Variants in PXDNL observed in about 807,000 individuals in gnomAD.
PXDNL encodes the protein peroxidasin like, also known as probable oxidoreductase PXDNL.
A neutral mutation model predicts 150.8 loss-of-function variants in PXDNL; 145 were observed. That is an observed-to-expected ratio of 0.96 (90% CI 0.84 to 1.10). The LOEUF is 1.10. Among genes scored for constraint, PXDNL ranks in the 50% least tolerant of loss-of-function variants. The pLI, the probability that PXDNL is intolerant of heterozygous loss-of-function variation, is 0.00. For synonymous variants in PXDNL, 757 were observed against 725.7 expected, an observed-to-expected ratio of 1.04 and a Z score of -0.69; for missense variants, 2,087 against 1,873.9, an observed-to-expected ratio of 1.11 and a Z score of -2.10.
At chr8:51,781,191 C>T (rs2037411626) in intron 1 of PXDNL, among the ~76,000 whole-genome samples, 2 of 152,062 alleles carry the variant, frequency 1.3e-5, no homozygotes, top group Admixed American at 1.3e-4. Context: ...GGAAAGGAGA[C>T]CTCTATAAAT....
rs962908403 is a variant in PXDNL, at chr8:51,531,010, T to C, written c.380+25830A>G. Among the ~76,000 whole-genome samples the C allele has an allele frequency of 2.0e-5, 3 of 152,174 alleles. No individual in the cohort carries two copies. In the South Asian group the frequency reaches 6.2e-4, roughly 31 times the overall value. On this transcript the variant is annotated intron_variant, in intron 4 of 22. Transcript: ENST00000356297. ...GCACAAGAATAAATGAGTGAGTAAATGAATGAATTGTAAACACAAGAAAGT... is the reference window on the plus strand; with the variant it reads ...GCACAAGAATAAATGAGTGAGTAAACGAATGAATTGTAAACACAAGAAAGT...
chr8:51,335,517 G>A (rs1805807013), intron 21 of PXDNL, among the ~76,000 whole-genome samples: 1 of 152,122 alleles, frequency 6.6e-6, no homozygotes, highest in African/African-American at 2.4e-5. Flanking sequence ...TGCTCCAACA[G>A]TTGTGAGAAT....
At chr8:51,605,517 G>T (rs1022135362) in intron 2 of PXDNL, among the ~76,000 whole-genome samples, 34 of 151,554 alleles carry the variant, frequency 2.2e-4, no homozygotes, top group Non-Finnish European at 4.1e-4. Flanking sequence ...TTATTAAAAA[G>T]AAAATCACAA....
chr8:51,694,326 G>A (rs963538881), intron 1 of PXDNL, among the ~76,000 whole-genome samples: 1 of 151,900 alleles, frequency 6.6e-6, no homozygotes, highest in Non-Finnish European at 1.5e-5. Context: ...TGGTGCTACT[G>A]CCCTCCGGCC....
intron 2 of PXDNL, among the ~76,000 whole-genome samples, chr8:51,637,745 A>G (rs1228057816): frequency 1.3e-5 from 2 of 152,214 alleles, no homozygotes; most frequent in African/African-American, 2.4e-5. Flanking sequence ...TGAAAGTGAC[A>G]GGGAGAATGG....
At chr8:51,786,442 C>T (rs2129252631) in intron 1 of PXDNL, among the ~76,000 whole-genome samples, 3 of 152,218 alleles carry the variant, frequency 2.0e-5, no homozygotes, top group Middle Eastern at 6.8e-3. Flanking sequence ...CTCCTGACCT[C>T]AAGTGATCCG....
intron 3 of PXDNL, among the ~76,000 whole-genome samples, chr8:51,575,370 T>C (rs952575419): frequency 6.6e-6 from 1 of 151,664 alleles, no homozygotes. Context: ...GAAAAAAAAT[T>C]AAAATGTGAA....
At chr8:51,323,577 C>T (rs1261091379) in intron 21 of PXDNL, among the ~76,000 whole-genome samples, 2 of 152,158 alleles carry the variant, frequency 1.3e-5, no homozygotes, top group Non-Finnish European at 2.9e-5. Context: ...GCTTAAACCA[C>T]CACACCCTGC....
chr8:51,427,077 T>C (rs1809125611), intron 12 of PXDNL, among the ~76,000 whole-genome samples: 1 of 152,202 alleles, frequency 6.6e-6, no homozygotes, highest in Non-Finnish European at 1.5e-5. Context: ...TTGTTAAGCG[T>C]GAAATAAAAC....
intron 8 of PXDNL, among the ~76,000 whole-genome samples, chr8:51,460,011 G>A (rs964321421): frequency 2.6e-5 from 4 of 152,096 alleles, no homozygotes; most frequent in Non-Finnish European, 5.9e-5. Context: ...ACTATGGGAG[G>A]CTGAGGTGGG....
rs1021134483 is a variant in PXDNL, at chr8:51,543,244, C to T, written c.380+13596G>A. On this transcript the variant is annotated intron_variant, in intron 4 of 22. Coordinates refer to ENST00000356297, the MANE Select transcript of PXDNL (RefSeq NM_144651.5). Reference sequence around the variant, plus strand: ...TGTTTGATTTCCAAGACTTTATGCCCGGTGATACTACTCTGCCTCTTTCCA... The same window carrying T: ...TGTTTGATTTCCAAGACTTTATGCCTGGTGATACTACTCTGCCTCTTTCCA... Among the ~76,000 whole-genome samples, 60 of 152,030 alleles carry T rather than the reference C, an allele frequency of 3.9e-4. 1 individual carries two copies. Among genetic ancestry groups the T allele is most frequent in the African/African-American group, 1.3e-3 (55 of 41,380 alleles).
In PXDNL at chr8:51,606,640, C is replaced by T. The variant is rs1813842075; in HGVS notation, c.237-13942G>A. Among the ~76,000 whole-genome samples the T allele has an allele frequency of 2.0e-5, 3 of 152,062 alleles. No individual in the cohort carries two copies. The South Asian group carries it at 6.3e-4, about 32-fold the overall frequency. On this transcript the variant is annotated intron_variant, in intron 2 of 22. Coordinates refer to ENST00000356297, the MANE Select transcript of PXDNL (RefSeq NM_144651.5). ...CAAATGCAAGTCACATATGTGATTT[C>T]TAATTTTCTAGTAGCCACATTTTAA...
chr8:51,553,576 T>G (rs4449780), intron 4 of PXDNL, among the ~76,000 whole-genome samples: 1 of 151,696 alleles, frequency 6.6e-6, no homozygotes, highest in Non-Finnish European at 1.5e-5. Flanking sequence ...TATATGCGCA[T>G]TGAAAACATG....
chr8:51,707,457 C>T (rs1282387149), intron 1 of PXDNL, among the ~76,000 whole-genome samples: 1 of 152,166 alleles, frequency 6.6e-6, no homozygotes, highest in Non-Finnish European at 1.5e-5. Context: ...TCATCACCTC[C>T]ACAAATTTTC....
intron 5 of PXDNL, among the ~76,000 whole-genome samples, chr8:51,491,536 C>G (rs979213842): frequency 2.6e-5 from 4 of 152,170 alleles, no homozygotes; most frequent in Non-Finnish European, 5.9e-5. Flanking sequence ...CCATTCCCTG[C>G]CTTCCAAGCC....
chr8:51,584,310 G>A (rs1169983380), intron 3 of PXDNL, among the ~76,000 whole-genome samples: 1 of 152,142 alleles, frequency 6.6e-6, no homozygotes, highest in Non-Finnish European at 1.5e-5. Context: ...ACCCCACTCT[G>A]TAAGGCAGGG....
At chr8:51,436,050 C>A in intron 12 of PXDNL, 1 of 524,190 alleles carries the variant, frequency 1.9e-6, no homozygotes, top group South Asian at 1.4e-5. Flanking sequence ...ATAGTCATAG[C>A]CTAGCTGAAC....
chr8:51,345,542 A>G (rs1385154431), intron 20 of PXDNL, among the ~76,000 whole-genome samples: 1 of 152,210 alleles, frequency 6.6e-6, no homozygotes, highest in African/African-American at 2.4e-5. Flanking sequence ...TCTGAAAAAT[A>G]TCAACTCATA....
chr8:51,707,165 G>A (rs1816398339), intron 1 of PXDNL, among the ~76,000 whole-genome samples: 1 of 152,140 alleles, frequency 6.6e-6, no homozygotes, highest in South Asian at 2.1e-4. Context: ...ATTTTCAGTG[G>A]TTTGTTTTGC....
Sources: allele counts gnomAD v4.1 joint callset (sites outside exome capture counted in the v4.1 genomes callset), GRCh38; gene constraint gnomAD v4.1.1; transcripts MANE v1.5; gene names NCBI Gene and HGNC (gene_info 2026-07-23, HGNC 2026-07-21).